The following COX10 variants were observed in gnomAD, a reference collection of about 807,000 sequenced individuals.
The protein encoded by COX10 is cytochrome c oxidase assembly factor heme A:farnesyltransferase COX10, also known as protoheme IX farnesyltransferase, mitochondrial.
COX10 carries 27 observed loss-of-function variants against 37.3 expected under a neutral mutation model. The observed-to-expected ratio is 0.72, with a 90% confidence interval of 0.53 to 1.00. The LOEUF (loss-of-function observed/expected upper bound fraction) is 1.00. Ranked by LOEUF, COX10 falls within the 50% of genes least tolerant of loss-of-function variation. The probability of loss-of-function intolerance (pLI) is 0.00; values close to 1 mark genes in which losing one functional copy is unlikely to be tolerated. For missense variants in COX10, 475 were observed against 563.2 expected (o/e 0.84, Z 1.59); for synonymous variants, 222 against 229.1 (o/e 0.97, Z 0.28).
chr17:14,087,481 C>T (rs907174262), intron 3 of COX10, among the ~76,000 whole-genome samples: 3 of 152,210 alleles, frequency 2.0e-5, no homozygotes, highest in Non-Finnish European at 2.9e-5. Context: ...GTGCCTGGCA[C>T]GTAGTAAGCG....
intron 3 of COX10, among the ~76,000 whole-genome samples, chr17:14,090,948 G>A (rs1915514793): frequency 2.0e-5 from 3 of 152,318 alleles, no homozygotes; most frequent in South Asian, 2.1e-4. Context: ...TCAAAAAATA[G>A]TAGCTCAATG....
chr17:14,071,025 G>C (rs539022442), intron 1 of COX10, among the ~76,000 whole-genome samples: 13 of 152,274 alleles, frequency 8.5e-5, no homozygotes, highest in Middle Eastern at 3.4e-3. Flanking sequence ...GTTGTTGTTT[G>C]TTGTTTTTTA....
At chr17:14,118,734 G>A (rs760872857) in intron 4 of COX10, among the ~76,000 whole-genome samples, 1 of 152,034 alleles carries the variant, frequency 6.6e-6, no homozygotes, top group Non-Finnish European at 1.5e-5. Flanking sequence ...TCATGGTAAA[G>A]TATATTTCAA....
rs942794447 is a variant in COX10 at position 14,076,111 on chromosome 17, C to T, written c.178-624C>T. Among the ~76,000 whole-genome samples the T allele has an allele frequency of 9.2e-4, 95 of 103,240 alleles. 1 individual carries two copies. The highest frequency in any genetic ancestry group is 9.1e-3 in the Admixed American group (68 of 7,440). The allele number at this position is 103,240 out of a possible 152,430, so 67.7% of individuals were successfully genotyped here. On this transcript the variant is annotated intron_variant, in intron 2 of 6. Transcript: ENST00000261643. ...CAGGTTGACTTGGGCTCTTTTTTGT[C>T]TTTTTTTTTTTTTTTTTTTTGTGAG...
At chr17:14,134,971 A>G (rs146641585) in intron 4 of COX10, among the ~76,000 whole-genome samples, 1 of 151,902 alleles carries the variant, frequency 6.6e-6, no homozygotes, top group East Asian at 1.9e-4. Flanking sequence ...GAGTCTGTCT[A>G]AATGGCCAAA....
chr17:14,180,046 C>T (rs55946502), intron 5 of COX10, among the ~76,000 whole-genome samples: 245 of 152,236 alleles, frequency 1.6e-3, no homozygotes, highest in African/African-American at 5.7e-3. Context: ...TTACAGGAGA[C>T]ATTTTTCAAA....
intron 4 of COX10, among the ~76,000 whole-genome samples, chr17:14,120,877 C>A (rs1046972488): frequency 2.0e-5 from 3 of 152,116 alleles, no homozygotes; most frequent in Non-Finnish European, 4.4e-5. Context: ...AGCTTAGATC[C>A]CTAGAAATAC....
At chr17:14,069,768 G>A in intron 1 of COX10, 120 bp downstream of exon 1, 1 of 1,169,826 alleles carries the variant, frequency 8.5e-7, no homozygotes, top group Non-Finnish European at 1.3e-6. Context: ...GCCGGCCACC[G>A]GTGTGGTGGG....
chr17:14,184,121 A>G (rs1242746233), intron 5 of COX10, among the ~76,000 whole-genome samples: 1 of 152,192 alleles, frequency 6.6e-6, no homozygotes, highest in Non-Finnish European at 1.5e-5. Flanking sequence ...TAATTTGCTC[A>G]CGATCACACG....
At position 14,069,530 on chromosome 17, in the gene COX10, G is replaced by A. The variant is rs982127160; in HGVS notation, c.-76G>A. On this transcript the variant is annotated 5_prime_UTR_variant, in exon 1 of 7. Transcript: ENST00000261643. ...CTACTCCCACAGGGGGGCGGGGAAG[G>A]AAGATGGCGGCGCCCAGCGTCCCGT... 3.2e-6 allele frequency: 5 copies of A among 1,574,082 alleles called. No homozygotes were observed. The highest frequency in any genetic ancestry group is 2.2e-5 in the South Asian group (2 of 89,130).
intron 6 of COX10, among the ~76,000 whole-genome samples, chr17:14,194,757 T>C (rs1906317104): frequency 6.6e-6 from 1 of 152,224 alleles, no homozygotes; most frequent in Admixed American, 6.5e-5. Flanking sequence ...ATTATAGTCT[T>C]TCTATAATAC....
chr17:14,101,259 C>G (rs986160427), intron 3 of COX10, among the ~76,000 whole-genome samples: 9 of 152,166 alleles, frequency 5.9e-5, no homozygotes, highest in African/African-American at 2.2e-4. Context: ...TCCCTTGTGC[C>G]TGTTCTTGGA....
chr17:14,198,463 T>C (rs182323586), intron 6 of COX10, among the ~76,000 whole-genome samples: 2 of 152,322 alleles, frequency 1.3e-5, no homozygotes, highest in East Asian at 1.9e-4. Context: ...TTCGGGAGTG[T>C]ATGGATTGGG....
intron 5 of COX10, among the ~76,000 whole-genome samples, chr17:14,186,374 C>T (rs1285105982): frequency 6.6e-6 from 1 of 151,960 alleles, no homozygotes; most frequent in Non-Finnish European, 1.5e-5. Context: ...CCTCTTTGGC[C>T]TTCTCACACA....
rs370647234 is a variant in COX10, at chr17:14,202,746, C to T, written c.929-4064C>T. Among the ~76,000 whole-genome samples the T allele has an allele frequency of 1.2e-3, 179 of 150,368 alleles. 3 individuals are homozygous for T. In the South Asian group the frequency reaches 0.037, roughly 31 times the overall value. Reference sequence around the variant, plus strand: ...CCCCTCTGCCACCCCCTCTGTCTCTCGACCCCCAGCCTGTTCCCCCCTGCG... The same window carrying T: ...CCCCTCTGCCACCCCCTCTGTCTCTTGACCCCCAGCCTGTTCCCCCCTGCG... On this transcript the variant is annotated intron_variant, in intron 6 of 6. Transcript: ENST00000261643.
intron 3 of COX10, among the ~76,000 whole-genome samples, chr17:14,086,403 A>G (rs1402622465): frequency 6.6e-6 from 1 of 152,100 alleles, no homozygotes; most frequent in Non-Finnish European, 1.5e-5. Context: ...TGAATGTTCT[A>G]TTCACAAAGA....
intron 4 of COX10, among the ~76,000 whole-genome samples, chr17:14,137,184 C>T (rs1048040529): frequency 3.3e-5 from 5 of 151,736 alleles, no homozygotes; most frequent in African/African-American, 1.2e-4. Flanking sequence ...TTCTTAAAAA[C>T]ATGTTTTCTT....
chr17:14,152,086 G>A (rs143185750), intron 4 of COX10, among the ~76,000 whole-genome samples: 1 of 152,314 alleles, frequency 6.6e-6, no homozygotes, highest in East Asian at 1.9e-4. Context: ...CCTTTAAGCA[G>A]CGGCTCTGTT....
In COX10 at chr17:14,071,000, T is replaced by A. The variant is rs139206201; in HGVS notation, c.43+1352T>A. On this transcript the variant is annotated intron_variant, in intron 1 of 6. Transcript: ENST00000261643. ...TTCTGCTTTTACACATGGCTGTGAT[T>A]TTCCATAATGAAAAGTTGTTGTTTG... Among the ~76,000 whole-genome samples, 164 of 152,346 alleles carry A rather than the reference T, an allele frequency of 1.1e-3. 2 individuals carry two copies. The highest frequency in any genetic ancestry group is 3.6e-3 in the African/African-American group (149 of 41,578).
Sources: gnomAD v4.1 joint callset for allele counts (sites outside exome capture counted in the v4.1 genomes callset) on GRCh38, gnomAD v4.1.1 for gene constraint, MANE v1.5 for transcripts, NCBI Gene and HGNC (gene_info 2026-07-23, HGNC 2026-07-21) for gene names.